TEX11: variants seen among roughly 807,000 people sequenced by gnomAD.
TEX11 encodes testis expressed 11.
A neutral mutation model predicts 84.4 loss-of-function variants in TEX11; 7 were observed. That is an observed-to-expected ratio of 0.08 (90% CI 0.05 to 0.16). The LOEUF (loss-of-function observed/expected upper bound fraction) is 0.16, where lower values mean the gene tolerates loss of function less well. TEX11 is among the 10% of genes least tolerant of loss of function. TEX11 has a pLI of 1.00. For synonymous variants in TEX11, 264 were observed against 222.8 expected (o/e 1.18, Z -1.64); for missense variants, 551 against 660.5 (o/e 0.83, Z 1.82).
intron 9 of TEX11, among the ~76,000 whole-genome samples, chrX:70,781,595 GAACA>G (rs1442908572): frequency 1.8e-4 from 20 of 111,645 alleles, no homozygotes; most frequent in Admixed American, 9.5e-5. Context: ...TGGCTAACTA[GAACA>G]AACAGTGTAG....
chrX:70,695,465 G>A (rs2090272154), intron 13 of TEX11, among the ~76,000 whole-genome samples: 1 of 111,937 alleles, frequency 8.9e-6, no homozygotes, highest in Non-Finnish European at 1.9e-5. Context: ...GTCTGATGAA[G>A]GAGAGGTAGG....
At chrX:70,644,098 A>G (rs1235008782) in intron 17 of TEX11, among the ~76,000 whole-genome samples, 2 of 102,366 alleles carry the variant, frequency 2.0e-5, no homozygotes, top group Non-Finnish European at 4.0e-5. Context: ...AACCCCATCA[A>G]AAAGTGGGCA....
At chrX:70,638,909 G>C (rs1418569473) in intron 17 of TEX11, among the ~76,000 whole-genome samples, 2 of 110,137 alleles carry the variant, frequency 1.8e-5, no homozygotes, top group Non-Finnish European at 3.8e-5. Flanking sequence ...CATTGGAGGA[G>C]CCAAGATGGC....
chrX:70,728,473 C>A (rs1020278636), intron 11 of TEX11, among the ~76,000 whole-genome samples: 1 of 112,956 alleles, frequency 8.9e-6, no homozygotes, highest in African/African-American at 3.2e-5. Context: ...CATAATACTG[C>A]GCACTTCCAA....
At chrX:70,673,679 C>G (rs2147641649) in intron 15 of TEX11, among the ~76,000 whole-genome samples, 1 of 110,466 alleles carries the variant, frequency 9.1e-6, no homozygotes, top group Admixed American at 9.6e-5. Flanking sequence ...AAAACACCAT[C>G]TTTTTCCATT....
At chrX:70,874,495 G>A (rs1156418809) in intron 3 of TEX11, among the ~76,000 whole-genome samples, 5 of 96,222 alleles carry the variant, frequency 5.2e-5, no homozygotes, top group East Asian at 3.7e-4. Flanking sequence ...ACCACCTCCC[G>A]GGTTCAAGTG....
intron 25 of TEX11, among the ~76,000 whole-genome samples, chrX:70,579,655 T>C (rs1260671405): frequency 9.1e-6 from 1 of 109,938 alleles, no homozygotes; most frequent in African/African-American, 3.3e-5. Context: ...TAGGAAAAAA[T>C]CTAGTAATCT....
intron 16 of TEX11, among the ~76,000 whole-genome samples, chrX:70,663,228 T>G (rs1439053089): frequency 9.0e-6 from 1 of 111,303 alleles, no homozygotes; most frequent in Non-Finnish European, 1.9e-5. Flanking sequence ...ATAACATTTA[T>G]ACCAAGTCAT....
chrX:70,714,864 G>C (rs913089316), intron 13 of TEX11, among the ~76,000 whole-genome samples: 2 of 111,661 alleles, frequency 1.8e-5, no homozygotes, highest in African/African-American at 3.3e-5. Context: ...TTGCTCGTTA[G>C]TTGAGGCAGT....
At position 70,665,927 on chromosome X, in the gene TEX11, A is replaced by G. The variant is rs983379449; in HGVS notation, c.1380+4450T>C. Among the ~76,000 whole-genome samples, 11 of 112,304 alleles carry G rather than the reference A, an allele frequency of 9.8e-5. No individual in the cohort carries two copies. The South Asian group carries it at 1.5e-3, about 15-fold the overall frequency. ...ATCACTATTAATTTCCAAATTATGC[A>G]TAGTAGCAAGGACAGAAATAGCATG... On this transcript the variant is annotated intron_variant, in intron 16 of 29. Coordinates refer to ENST00000374333, the MANE Select transcript of TEX11 (RefSeq NM_031276.3).
At chrX:70,770,092 C>CT (rs762172683) in intron 9 of TEX11, among the ~76,000 whole-genome samples, 15 of 111,378 alleles carry the variant, frequency 1.3e-4, no homozygotes, top group East Asian at 5.6e-4. Context: ...TCTGCCAGCT[C>CT]TGAGACCTTC....
the TEX11 span, among the ~76,000 whole-genome samples, chrX:70,511,881 C>T: frequency 9.4e-6 from 1 of 106,373 alleles, no homozygotes; most frequent in Non-Finnish European, 1.9e-5. Context: ...CTCCCTTCTC[C>T]AATCCGATTT....
At chrX:70,832,925 G>A (rs746531192) in intron 8 of TEX11, among the ~76,000 whole-genome samples, 33 of 111,617 alleles carry the variant, frequency 3.0e-4, no homozygotes, top group Admixed American at 6.7e-4. Flanking sequence ...TGGAGCAAAT[G>A]TTATCAAAAT....
chrX:70,759,340 C>A (rs1403358237), intron 9 of TEX11, among the ~76,000 whole-genome samples: 1 of 111,580 alleles, frequency 9.0e-6, no homozygotes, highest in Admixed American at 9.6e-5. Context: ...GACCAATAGC[C>A]CTGCTGAACA....
intron 8 of TEX11, among the ~76,000 whole-genome samples, chrX:70,827,656 G>A (rs1166662151): frequency 9.0e-6 from 1 of 111,719 alleles, no homozygotes; most frequent in Non-Finnish European, 1.9e-5. Context: ...CTCTGCCTGT[G>A]GAAAGGGAGG....
In TEX11 at chrX:70,631,718, C is replaced by T. The variant is rs375270009; in HGVS notation, c.1484-1983G>A. On this transcript the variant is annotated intron_variant, in intron 17 of 29. Transcript: ENST00000374333. ...CCCTCGCATAAGTTTCAAAGCCTAACGTCATGGTGTCATCTATAAAGTTGT... is the reference window on the plus strand; with the variant it reads ...CCCTCGCATAAGTTTCAAAGCCTAATGTCATGGTGTCATCTATAAAGTTGT... Among the ~76,000 whole-genome samples the T allele has an allele frequency of 3.9e-3, 299 of 75,933 alleles. 3 individuals are homozygous for T. The highest frequency in any genetic ancestry group is 0.014 in the African/African-American group (283 of 20,146). The allele number at this position is 75,933 out of a possible 115,157, so 65.9% of individuals were successfully genotyped here. A position where few individuals can be genotyped will look rare whatever the true frequency, so the allele number is the denominator to read the frequency against.
At chrX:70,776,138 A>G (rs1459763564) in intron 9 of TEX11, among the ~76,000 whole-genome samples, 1 of 110,886 alleles carries the variant, frequency 9.0e-6, no homozygotes, top group East Asian at 2.8e-4. Context: ...GGAAATTAGT[A>G]TATCAAAGGG....
chrX:70,636,121 G>A (rs1311990642), intron 17 of TEX11, among the ~76,000 whole-genome samples: 1 of 110,637 alleles, frequency 9.0e-6, no homozygotes, highest in Non-Finnish European at 1.9e-5. Flanking sequence ...CACAGACCTA[G>A]CCTCCAGGCT....
chrX:70,568,944 T>C (rs1457467340), intron 25 of TEX11, among the ~76,000 whole-genome samples: 4 of 111,461 alleles, frequency 3.6e-5, no homozygotes, highest in East Asian at 5.6e-4. Flanking sequence ...TGAATCTGAA[T>C]GTTGGCCTGC....
Sources: allele counts gnomAD v4.1 joint callset (sites outside exome capture counted in the v4.1 genomes callset), GRCh38; gene constraint gnomAD v4.1.1; transcripts MANE v1.5; gene names NCBI Gene and HGNC (gene_info 2026-07-23, HGNC 2026-07-21).